RGS7: variants seen among roughly 807,000 people sequenced by gnomAD.
RGS7 encodes the protein regulator of G-protein signaling 7.
RGS7 carries 27 observed loss-of-function variants against 81.1 expected under a neutral mutation model. The observed-to-expected ratio is 0.33, with a 90% CI of 0.25 to 0.46. The LOEUF (loss-of-function observed/expected upper bound fraction) is 0.46. Ranked by LOEUF, RGS7 falls within the 20% of genes least tolerant of loss-of-function variation. The probability of loss-of-function intolerance (pLI) is 1.00; values close to 1 mark genes in which losing one functional copy is unlikely to be tolerated. For synonymous variants in RGS7, 208 were observed against 207.7 expected, an observed-to-expected ratio of 1.00 and a Z score of -0.01; for missense variants, 396 against 607.4, an observed-to-expected ratio of 0.65 and a Z score of 3.66.
intron 3 of RGS7, among the ~76,000 whole-genome samples, chr1:241,081,421 TTGCTGCCTTTTATGCCACTCC>T (rs1216732436): frequency 1.3e-5 from 2 of 152,244 alleles, no homozygotes; most frequent in African/African-American, 4.8e-5. Context: ...TGCACTATGT[TTGCTGCCTTTTATGCCACTCC>T]TTAACCTGCC....
intron 3 of RGS7, among the ~76,000 whole-genome samples, chr1:241,011,926 C>T (rs560360204): frequency 6.6e-6 from 1 of 152,252 alleles, no homozygotes. Flanking sequence ...TGGCAACGCC[C>T]TACTCTGTCT....
At chr1:241,259,667 A>AAAAAAAT in intron 2 of RGS7, among the ~76,000 whole-genome samples, 1 of 49,144 alleles carries the variant, frequency 2.0e-5, no homozygotes, top group African/African-American at 7.9e-5. Flanking sequence ...AAAAAAAAAA[A>AAAAAAAT]ATATATATAT....
chr1:241,055,890 T>C (rs897532815), intron 3 of RGS7, among the ~76,000 whole-genome samples: 2 of 152,220 alleles, frequency 1.3e-5, no homozygotes, highest in Non-Finnish European at 1.5e-5. Context: ...CTTTGGAGAT[T>C]CCAAGAGTTT....
intron 4 of RGS7, among the ~76,000 whole-genome samples, chr1:240,960,217 C>CTTCTTCTTT (rs60911948): frequency 8.9e-4 from 8 of 8,956 alleles, no homozygotes; most frequent in African/African-American, 3.0e-3. Flanking sequence ...TCTTCTTCTT[C>CTTCTTCTTT]TTTTTTTTTT....
chr1:241,230,212 A>C (rs1573246218), intron 2 of RGS7, among the ~76,000 whole-genome samples: 1 of 151,906 alleles, frequency 6.6e-6, no homozygotes, highest in East Asian at 1.9e-4. Context: ...ACTAATTTTT[A>C]TTTATTTATT....
chr1:241,324,799 G>GT (rs778143878), intron 2 of RGS7, among the ~76,000 whole-genome samples: 1 of 152,108 alleles, frequency 6.6e-6, no homozygotes, highest in Non-Finnish European at 1.5e-5. Flanking sequence ...AAAGACACAA[G>GT]TTTTTGGCCT....
intron 18 of RGS7, among the ~76,000 whole-genome samples, chr1:240,798,251 T>C (rs1227530107): frequency 6.6e-6 from 1 of 152,214 alleles, no homozygotes; most frequent in East Asian, 1.9e-4. Context: ...CTGTTTATTA[T>C]AATTTTTCTC....
chr1:240,831,497 G>C (rs1046706293), intron 9 of RGS7, among the ~76,000 whole-genome samples: 5 of 152,084 alleles, frequency 3.3e-5, no homozygotes, highest in African/African-American at 1.2e-4. Flanking sequence ...AGAAATGAAG[G>C]CACGAGCCCT....
intron 2 of RGS7, among the ~76,000 whole-genome samples, chr1:241,215,565 C>T (rs2074495442): frequency 6.6e-6 from 1 of 152,140 alleles, no homozygotes; most frequent in South Asian, 2.1e-4. Flanking sequence ...CTAGTATTTC[C>T]TCCCCCAGTT....
rs10676730 is a variant in RGS7, at chr1:240,930,222, C to CTTTTTT, written c.385+489_385+494dup. Among the ~76,000 whole-genome samples the CTTTTTT allele has an allele frequency of 2.5e-3, 289 of 113,814 alleles. 2 individuals are homozygous for CTTTTTT. Among genetic ancestry groups the CTTTTTT allele is most frequent in the African/African-American group, 9.4e-3 (274 of 29,020 alleles). The allele number at this position is 113,814 out of a possible 152,430, so 74.7% of individuals were successfully genotyped here. A position where few individuals can be genotyped will look rare whatever the true frequency, so the allele number is the denominator to read the frequency against. ...ATTAGCATTGAATTTTCTTTTTTAG[C>CTTTTTT]TTTTTTTTTTTTTTTTTTGCTTGTA... is the stretch of plus-strand genomic sequence containing the variant. On this transcript the variant is annotated intron_variant, in intron 6 of 18. Coordinates refer to ENST00000440928, the MANE Select transcript of RGS7 (RefSeq NM_001364886.1).
At chr1:240,981,191 C>A (rs1442751561) in intron 4 of RGS7, among the ~76,000 whole-genome samples, 1 of 152,066 alleles carries the variant, frequency 6.6e-6, no homozygotes. Context: ...CTCACTGCAA[C>A]CTCCGCCTCC....
At chr1:241,330,285 C>T (rs765124920) in intron 2 of RGS7, among the ~76,000 whole-genome samples, 2 of 152,156 alleles carry the variant, frequency 1.3e-5, no homozygotes, top group Non-Finnish European at 2.9e-5. Context: ...ACTCTCTCAT[C>T]TGATATGACC....
chr1:241,133,281 A>G (rs953714928), intron 2 of RGS7, among the ~76,000 whole-genome samples: 3 of 152,124 alleles, frequency 2.0e-5, no homozygotes, highest in African/African-American at 4.8e-5. Context: ...CTATATATCA[A>G]TTTGATAAAC....
chr1:240,880,387 A>G (rs1158439219), intron 6 of RGS7, among the ~76,000 whole-genome samples: 1 of 152,182 alleles, frequency 6.6e-6, no homozygotes, highest in Non-Finnish European at 1.5e-5. Flanking sequence ...TTGCTTGCTC[A>G]TTTATAAGTG....
At chr1:240,864,838 C>T (rs972566788) in intron 9 of RGS7, among the ~76,000 whole-genome samples, 29 of 152,134 alleles carry the variant, frequency 1.9e-4, no homozygotes, top group African/African-American at 6.8e-4. Flanking sequence ...CTGGTTGGGA[C>T]CTCAGAACTG....
At chr1:241,238,055 T>TAAG (rs1342363959) in intron 2 of RGS7, among the ~76,000 whole-genome samples, 1 of 152,112 alleles carries the variant, frequency 6.6e-6, no homozygotes, top group African/African-American at 2.4e-5. Context: ...TCCTCTCTCG[T>TAAG]AAGAATTCCT....
At chr1:241,329,201 C>T (rs1266315936) in intron 2 of RGS7, among the ~76,000 whole-genome samples, 1 of 152,182 alleles carries the variant, frequency 6.6e-6, no homozygotes, top group South Asian at 2.1e-4. Context: ...GAACTTGTAT[C>T]CACACCAAAA....
intron 2 of RGS7, among the ~76,000 whole-genome samples, chr1:241,160,336 T>C (rs750488246): frequency 1.3e-5 from 2 of 152,150 alleles, no homozygotes; most frequent in Non-Finnish European, 2.9e-5. Context: ...CTTACAAAAT[T>C]CATGTCAGAT....
At chr1:240,956,716 T>C (rs888588243) in intron 4 of RGS7, among the ~76,000 whole-genome samples, 5 of 152,196 alleles carry the variant, frequency 3.3e-5, no homozygotes, top group African/African-American at 1.2e-4. Context: ...ATGGAGTGTA[T>C]GACTCCATTT....
Sources: gnomAD v4.1 joint callset for allele counts (sites outside exome capture counted in the v4.1 genomes callset) on GRCh38, gnomAD v4.1.1 for gene constraint, MANE v1.5 for transcripts, NCBI Gene and HGNC (gene_info 2026-07-23, HGNC 2026-07-21) for gene names.